The following USP9X variants were observed in gnomAD, a reference collection of about 807,000 sequenced individuals.
The protein encoded by USP9X is ubiquitin specific peptidase 9 X-linked, also known as ubiquitin carboxyl-terminal hydrolase 9X.
USP9X carries 7 observed loss-of-function variants against 190.3 expected under a neutral mutation model. The ratio of observed to expected loss-of-function variants is 0.04; its 90% confidence interval spans 0.02 to 0.07. The LOEUF is 0.07. USP9X is among the 10% of genes least tolerant of loss of function. The pLI, the probability that USP9X is intolerant of heterozygous loss-of-function variation, is 1.00. For synonymous variants in USP9X, 645 were observed against 659.5 expected (o/e 0.98, Z 0.34); for missense variants, 1,010 against 1,916.9 (o/e 0.53, Z 8.83).
At chrX:41,142,055 C>G (rs1261612911) in intron 9 of USP9X, among the ~76,000 whole-genome samples, 1 of 111,214 alleles carries the variant, frequency 9.0e-6, no homozygotes, top group African/African-American at 3.3e-5. Context: ...GAGAACTGTC[C>G]TTGCCCTCAA....
At chrX:41,211,964 T>C (rs1293124499) in intron 33 of USP9X, among the ~76,000 whole-genome samples, 3 of 113,064 alleles carry the variant, frequency 2.7e-5, no homozygotes, top group African/African-American at 9.5e-5. Context: ...GGAGGTGTAC[T>C]CAACAGCTCA....
intron 26 of USP9X, among the ~76,000 whole-genome samples, chrX:41,191,623 A>G (rs1290322342): frequency 1.8e-5 from 2 of 111,799 alleles, no homozygotes; most frequent in South Asian, 7.4e-4. Flanking sequence ...TTGAGTTCTG[A>G]CATTTCTGCC....
At position 41,166,200 on chromosome X, in the gene USP9X, G is replaced by T. The variant is rs2062677014; in HGVS notation, c.2314G>T (p.Asp772Tyr). ...MMDDLELIGL[D>Y]YLWRVVIQSN... ...GGATGACTTGGAGTTAATAGGATTA[G>T]ATTACCTTTGGAGGGTAAGTCAAAA... Residue 772 changes from aspartate (D) to tyrosine (Y), a missense_variant, in exon 16 of 45, where the codon GAT (aspartate) becomes TAT (tyrosine). By Grantham distance (160) the Asp-to-Tyr change is radical. Transcript: ENST00000378308. The T allele has an allele frequency of 8.5e-7, 1 of 1,182,512 alleles. No homozygotes were observed. The highest frequency in any genetic ancestry group is 1.1e-6 in the Non-Finnish European group (1 of 880,457).
intron 2 of USP9X, among the ~76,000 whole-genome samples, chrX:41,126,357 CAG>C (rs1377558808): frequency 2.7e-5 from 3 of 111,898 alleles, no homozygotes; most frequent in Non-Finnish European, 3.8e-5. Context: ...AAAGCGTAGT[CAG>C]AGGTTTGAGT....
chrX:41,201,041 G>A lies in USP9X; in HGVS notation c.4604-19G>A. 8.3e-7 allele frequency: 1 copy of A among 1,203,182 alleles called. No homozygotes were observed. The highest frequency in any genetic ancestry group is 1.1e-6 in the Non-Finnish European group (1 of 888,857). On this transcript the variant is annotated intron_variant, in intron 30 of 44. Transcript: ENST00000378308. Reference sequence around the variant, plus strand: ...CAGAATGGCCGTGTTCATGCTACAAGAATCTTTCCTTCTCTCAGCTTGTGA... The same window carrying A: ...CAGAATGGCCGTGTTCATGCTACAAAAATCTTTCCTTCTCTCAGCTTGTGA...
intron 1 of USP9X, among the ~76,000 whole-genome samples, chrX:41,093,277 T>C (rs1265027459): frequency 8.9e-6 from 1 of 112,621 alleles, no homozygotes; most frequent in Non-Finnish European, 1.9e-5. Context: ...TGCAAGGTGG[T>C]ATTGCCTGAG....
At position 41,201,373 on chromosome X, in the gene USP9X, G is replaced by A. The variant is rs927444098; in HGVS notation, c.4824+93G>A. 6.9e-6 allele frequency: 6 copies of A among 868,231 alleles called. No individual in the cohort carries two copies. In the African/African-American group the frequency reaches 1.0e-4, roughly 15 times the overall value. 71.6% of individuals were successfully genotyped at this position (868,231 alleles called of 1,213,427 possible). On this transcript the variant is annotated intron_variant, in intron 31 of 44. Coordinates refer to ENST00000378308, the MANE Select transcript of USP9X (RefSeq NM_001039591.3). ...AGAGAGTGTTATACTTTCATCAAACGTATTAAAGTATATTTGAAAGTTAGG... is the reference window on the plus strand; with the variant it reads ...AGAGAGTGTTATACTTTCATCAAACATATTAAAGTATATTTGAAAGTTAGG...
chrX:41,221,145 C>T (rs1160748698), intron 38 of USP9X, among the ~76,000 whole-genome samples: 2 of 109,769 alleles, frequency 1.8e-5, no homozygotes, highest in African/African-American at 6.6e-5. Context: ...GCGTGTAATC[C>T]CAGCTACTCA....
chrX:41,131,072 A>C (rs1794210330), intron 3 of USP9X, among the ~76,000 whole-genome samples: 1 of 110,364 alleles, frequency 9.1e-6, no homozygotes, highest in Non-Finnish European at 1.9e-5. Flanking sequence ...CGGGGCAATG[A>C]AGAGGTTTAT....
intron 1 of USP9X, among the ~76,000 whole-genome samples, chrX:41,116,776 T>C: frequency 9.8e-6 from 1 of 101,823 alleles, no homozygotes; most frequent in East Asian, 3.1e-4. Context: ...CTCATGGCTT[T>C]CTTTTTTTTG....
chrX:41,212,477 C>A (rs1448461688), intron 33 of USP9X, among the ~76,000 whole-genome samples: 3 of 85,499 alleles, frequency 3.5e-5, no homozygotes, highest in Non-Finnish European at 4.6e-5. Context: ...AAAAAAAAAG[C>A]CTAAAAAAAT....
intron 21 of USP9X, among the ~76,000 whole-genome samples, chrX:41,182,441 C>G (rs1324240799): frequency 9.2e-6 from 1 of 109,151 alleles, no homozygotes; most frequent in African/African-American, 3.3e-5. Flanking sequence ...TCCTACTCCC[C>G]TTTGCCTCCA....
intron 33 of USP9X, among the ~76,000 whole-genome samples, chrX:41,213,559 A>G (rs1459954423): frequency 8.9e-6 from 1 of 112,138 alleles, no homozygotes; most frequent in Non-Finnish European, 1.9e-5. Context: ...TAGCCATTTC[A>G]TAAGCAAAGA....
At chrX:41,097,765 C>A (rs903696934) in intron 1 of USP9X, among the ~76,000 whole-genome samples, 2 of 111,355 alleles carry the variant, frequency 1.8e-5, no homozygotes, top group Non-Finnish European at 3.8e-5. Flanking sequence ...CGTCATATAG[C>A]CTTTGGAAGA....
chrX:41,211,537 T>C (rs2147232474), intron 33 of USP9X, among the ~76,000 whole-genome samples: 1 of 113,625 alleles, frequency 8.8e-6, no homozygotes, highest in African/African-American at 3.2e-5. Context: ...ACAAAACATA[T>C]CAAACCTATT....
chrX:41,143,749 C>T (rs931267971), intron 10 of USP9X, among the ~76,000 whole-genome samples: 1 of 111,921 alleles, frequency 8.9e-6, no homozygotes, highest in South Asian at 3.6e-4. Flanking sequence ...TTGGTTTCTT[C>T]ATAGATTTAA....
intron 4 of USP9X, 115 bp from the exon 5 acceptor site, chrX:41,134,610 T>C: frequency 1.9e-6 from 1 of 527,544 alleles, no homozygotes; most frequent in South Asian, 3.8e-5. Context: ...AATTAAATAT[T>C]TGTTAGCTGT....
intron 1 of USP9X, among the ~76,000 whole-genome samples, chrX:41,103,945 A>T (rs748205382): frequency 8.9e-6 from 1 of 111,868 alleles, no homozygotes; most frequent in Non-Finnish European, 1.9e-5. Flanking sequence ...GTTGTGTAGC[A>T]CCACATAATT....
intron 1 of USP9X, among the ~76,000 whole-genome samples, chrX:41,106,522 ATTTTTTTTTTTT>A (rs35038623): frequency 5.1e-5 from 3 of 58,789 alleles, no homozygotes; most frequent in East Asian, 4.7e-4. Flanking sequence ...TTCTGAATTA[ATTTTTTTTTTTT>A]TTTTTTTTTT....
Sources: allele counts gnomAD v4.1 joint callset (sites outside exome capture counted in the v4.1 genomes callset), GRCh38; gene constraint gnomAD v4.1.1; transcripts MANE v1.5; gene names NCBI Gene and HGNC (gene_info 2026-07-23, HGNC 2026-07-21).